Variants in TARS2 observed in about 807,000 individuals in gnomAD.
The protein encoded by TARS2 is threonine--tRNA ligase, mitochondrial.
A neutral mutation model predicts 94.4 loss-of-function variants in TARS2; 61 were observed. The observed-to-expected ratio is 0.65, with a 90% CI of 0.53 to 0.80. The LOEUF (loss-of-function observed/expected upper bound fraction) is 0.80, where lower values mean the gene tolerates loss of function less well. Among genes scored for constraint, TARS2 ranks in the 30% least tolerant of loss-of-function variants. The pLI is 0.00. For missense variants in TARS2, 704 were observed against 902.5 expected, an observed-to-expected ratio of 0.78 and a Z score of 2.82; for synonymous variants, 359 against 353.4, an observed-to-expected ratio of 1.02 and a Z score of -0.18.
chr1:150,489,135 T>TA (rs1297241732), intron 3 of TARS2, 48 bp downstream of exon 3: 2 of 1,612,800 alleles, frequency 1.2e-6, no homozygotes, highest in African/African-American at 2.7e-5. Context: ...AACCAAGAGA[T>TA]ATTGAAGCAG....
Position 150,506,995 on chromosome 1 carries a change from GC to G in TARS2, c.2090del (p.Pro697LeufsTer48). The G allele has an allele frequency of 1.2e-6, 2 of 1,614,158 alleles. No individual in the cohort carries two copies. The highest frequency in any genetic ancestry group is 1.7e-6 in the Non-Finnish European group (2 of 1,180,040). On this transcript the variant is annotated frameshift_variant, in exon 18 of 18. Coordinates refer to ENST00000369064, the MANE Select transcript of TARS2 (RefSeq NM_025150.5). LOFTEE classifies it high-confidence loss of function. ...ATCGTCGCCTTGGGGAGTGGGACTTGCCTGAGGCTGTGCAGCGACTGGTGGA... is the reference window on the plus strand; with the variant it reads ...ATCGTCGCCTTGGGGAGTGGGACTTGCTGAGGCTGTGCAGCGACTGGTGGA... ...DNRRLGEWDL[P>X]EAVQRLVELQ...
At chr1:150,487,667 A>G in intron 1 of TARS2, 151 bp downstream of exon 1, 1 of 1,288,850 alleles carries the variant, frequency 7.8e-7, no homozygotes, top group Middle Eastern at 2.7e-4. Flanking sequence ...CTCGTTATCT[A>G]ATTCTCGAGT....
chr1:150,494,895 G>A (rs587773274), intron 7 of TARS2, among the ~76,000 whole-genome samples: 1 of 151,608 alleles, frequency 6.6e-6, no homozygotes, highest in African/African-American at 2.4e-5. Flanking sequence ...AAATTAGCCA[G>A]GTGTGGCCGG....
chr1:150,498,773 C>G (rs1365607662), intron 11 of TARS2, 109 bp downstream of exon 11: 1 of 1,605,402 alleles, frequency 6.2e-7, no homozygotes, highest in African/African-American at 1.3e-5. Flanking sequence ...TATAATTCAG[C>G]TACATTCTAC....
intron 3 of TARS2, 49 bp from the exon 4 acceptor site, chr1:150,490,552 G>A (rs1570834213): frequency 6.3e-7 from 1 of 1,597,348 alleles, no homozygotes; most frequent in Non-Finnish European, 8.5e-7. Context: ...AGATCTAGGG[G>A]TTAAGGGAGA....
In TARS2 at chr1:150,501,983, GCTCA is replaced by G. The variant is rs587618959; in HGVS notation, c.1618-2349_1618-2346del. On this transcript the variant is annotated intron_variant, in intron 13 of 17. Transcript: ENST00000369064. ...GTTGGAGTGCAGTGGCGCAATCTCGGCTCACTGCAACCTCTGCCTGCCAGGTTCA... is the reference window on the plus strand; with the variant it reads ...GTTGGAGTGCAGTGGCGCAATCTCGGCTGCAACCTCTGCCTGCCAGGTTCA... Among the ~76,000 whole-genome samples, 1,278 of 151,984 alleles carry G rather than the reference GCTCA, an allele frequency of 8.4e-3. 25 individuals are homozygous for G. The highest frequency in any genetic ancestry group is 0.03 in the African/African-American group (1,226 of 41,446).
At position 150,504,315 on chromosome 1, in the gene TARS2, T is replaced by A. The variant is rs1250614352; in HGVS notation, c.1618-20T>A. The stretch of plus-strand genomic sequence containing the variant: ...TAGTGCTTCTGGCTTATCTCGTGCC[T>A]TCCCATCTGTTTCCTGTAGATTGAC... On this transcript the variant is annotated intron_variant, in intron 13 of 17. Transcript: ENST00000369064. 1.9e-6 allele frequency: 3 copies of A among 1,613,224 alleles called. No individual in the cohort carries two copies. Among genetic ancestry groups the A allele is most frequent in the African/African-American group, 2.7e-5 (2 of 74,866 alleles).
intron 7 of TARS2, among the ~76,000 whole-genome samples, chr1:150,495,981 A>G (rs1212280526): frequency 6.6e-6 from 1 of 151,890 alleles, no homozygotes; most frequent in Non-Finnish European, 1.5e-5. Flanking sequence ...CGGCCTCCCA[A>G]AGTGCTGGGA....
intron 2 of TARS2, chr1:150,488,305 G>T (rs1277563169): frequency 7.5e-6 from 3 of 399,418 alleles, no homozygotes; most frequent in Non-Finnish European, 9.0e-6. Context: ...GAAGTGCTGG[G>T]ATTACAGGCA....
At position 150,498,957 on chromosome 1, in the gene TARS2, T is replaced by C. The variant is rs200073426; in HGVS notation, c.1462T>C (p.Phe488Leu). 13 of 1,614,238 alleles carry C rather than the reference T, an allele frequency of 8.1e-6. No individual in the cohort carries two copies. In the East Asian group the frequency reaches 2.7e-4, roughly 33 times the overall value. ...FLRSVYAVLGFSFRLALSTRP... is the reference protein window; with the variant it reads ...FLRSVYAVLGLSFRLALSTRP... ...CCGTTCCGTCTATGCCGTTCTTGGC[T>C]TCTCCTTCCGCCTGGCACTGTCCAC... The change falls in exon 12 of 18, where the codon TTC becomes CTC. Residue 488 changes from phenylalanine (F) to leucine (L), a missense_variant. By Grantham distance (22) the Phe-to-Leu change is conservative (BLOSUM62 0). Transcript: ENST00000369064.
At chr1:150,492,976 G>T (rs957691191) in intron 7 of TARS2, among the ~76,000 whole-genome samples, 3 of 151,412 alleles carry the variant, frequency 2.0e-5, no homozygotes, top group Non-Finnish European at 4.4e-5. Context: ...TTCGCCTCCT[G>T]GATTCAAGCA....
chr1:150,505,505 G>A (rs1670161628), intron 16 of TARS2, 86 bp from the exon 17 acceptor site: 1 of 1,169,368 alleles, frequency 8.6e-7, no homozygotes, highest in Non-Finnish European at 1.3e-6. Context: ...GAACAGATGG[G>A]GGCATTGAGG....
At chr1:150,502,237 T>TTC (rs1669956506) in intron 13 of TARS2, among the ~76,000 whole-genome samples, 1 of 150,960 alleles carries the variant, frequency 6.6e-6, no homozygotes, top group Non-Finnish European at 1.5e-5. Context: ...TTTGTTTTTT[T>TTC]CCCCGAGACA....
Position 150,493,525 on chromosome 1 carries a change from G to A in TARS2, c.774+1036G>A, listed in dbSNP as rs7539754. Among the ~76,000 whole-genome samples, 454 of 152,090 alleles carry A rather than the reference G, an allele frequency of 3.0e-3. 3 individuals carry two copies. The highest frequency in any genetic ancestry group is 0.01 in the African/African-American group (429 of 41,480). ...TCCCAGCACTTTGGGAAGCCGAGGT[G>A]GGTGGACCACCTGAGGTCGGGAGTT... is the stretch of plus-strand genomic sequence containing the variant. On this transcript the variant is annotated intron_variant, in intron 7 of 17. Transcript: ENST00000369064.
Position 150,488,881 on chromosome 1 carries a change from A to T in TARS2, c.264-83A>T, listed in dbSNP as rs1669259822. 14 of 1,538,232 alleles carry T rather than the reference A, an allele frequency of 9.1e-6. No homozygotes were observed. In the South Asian group the frequency reaches 1.8e-4, roughly 19 times the overall value. On this transcript the variant is annotated intron_variant, in intron 2 of 17. Transcript: ENST00000369064. ...TGAGATCAACTTTTTAAACTCTCATATAGGAATCAGAACATGTGATATTTT... is the reference window on the plus strand; with the variant it reads ...TGAGATCAACTTTTTAAACTCTCATTTAGGAATCAGAACATGTGATATTTT...
intron 6 of TARS2, 143 bp downstream of exon 6, chr1:150,491,805 C>CT: frequency 3.5e-6 from 3 of 851,088 alleles, no homozygotes; most frequent in Non-Finnish European, 5.3e-6. Flanking sequence ...TTTTTTTTTT[C>CT]TTTTTTTGAG....
At chr1:150,487,693 C>T (rs1669211671) in intron 1 of TARS2, among the ~76,000 whole-genome samples, 165 bp from the exon 2 acceptor site, 1 of 152,178 alleles carries the variant, frequency 6.6e-6, no homozygotes, top group African/African-American at 2.4e-5. Flanking sequence ...GTCTGGGGGA[C>T]TCTGAGCTCG....
chr1:150,493,697 G>T (rs114187507), intron 7 of TARS2, among the ~76,000 whole-genome samples: 1 of 151,002 alleles, frequency 6.6e-6, no homozygotes, highest in Admixed American at 6.6e-5. Flanking sequence ...AGGTTGTGGC[G>T]ATCCAAGATC....
chr1:150,492,593 T>G (rs1301422994), intron 7 of TARS2, 104 bp downstream of exon 7: 2 of 1,229,404 alleles, frequency 1.6e-6, no homozygotes, highest in East Asian at 2.6e-5. Context: ...AGATGGATCA[T>G]AAAGTCAGGA....
Sources: allele counts gnomAD v4.1 joint callset (sites outside exome capture counted in the v4.1 genomes callset), GRCh38; gene constraint gnomAD v4.1.1; transcripts MANE v1.5; gene names NCBI Gene and HGNC (gene_info 2026-07-23, HGNC 2026-07-21).